The following STAT3 variants were observed in gnomAD, a reference collection of about 807,000 sequenced individuals.
STAT3 encodes DNA-binding protein APRF.
STAT3 carries 7 observed loss-of-function variants against 114.3 expected under a neutral mutation model. That is an observed-to-expected ratio of 0.06 (90% confidence interval 0.03 to 0.11). STAT3 has a LOEUF of 0.11. STAT3 is among the 10% of genes least tolerant of loss of function. STAT3 has a pLI of 1.00. For missense variants in STAT3, 364 were observed against 960.9 expected (o/e 0.38, Z 8.21); for synonymous variants, 331 against 354.5 (o/e 0.93, Z 0.74).
intron 14 of STAT3, among the ~76,000 whole-genome samples, chr17:42,327,080 A>G (rs551283960): frequency 8.5e-5 from 13 of 152,186 alleles, no homozygotes; most frequent in South Asian, 2.1e-4. Context: ...CATAGATCCA[A>G]TTGGTTATTT....
At chr17:42,382,138 T>C (rs919519477) in intron 1 of STAT3, among the ~76,000 whole-genome samples, 1 of 152,148 alleles carries the variant, frequency 6.6e-6, no homozygotes, top group Admixed American at 6.6e-5. Context: ...GAATTCCTAT[T>C]CATCCTATAA....
At chr17:42,360,382 C>T (rs1005030276) in intron 1 of STAT3, among the ~76,000 whole-genome samples, 23 of 151,808 alleles carry the variant, frequency 1.5e-4, no homozygotes, top group Non-Finnish European at 2.1e-4. Flanking sequence ...CAGTGGCTCA[C>T]GCCTGTAATC....
At chr17:42,383,103 C>T (rs1156572072) in intron 1 of STAT3, among the ~76,000 whole-genome samples, 1 of 152,152 alleles carries the variant, frequency 6.6e-6, no homozygotes, top group Admixed American at 6.6e-5. Context: ...GTCCCCCAGT[C>T]TGGAGTGCAG....
Position 42,337,706 on chromosome 17 carries a change from T to A in STAT3, c.645+57A>T. The A allele has an allele frequency of 6.2e-7, 1 of 1,613,496 alleles. No individual in the cohort carries two copies. The highest frequency in any genetic ancestry group is 8.5e-7 in the Non-Finnish European group (1 of 1,179,448). ...CCAAGCAAGTTCTGCCACAAGACGC[T>A]GAAATCCCGCAAGTGAGCGAGACAC... On this transcript the variant is annotated intron_variant, in intron 7 of 23. Transcript: ENST00000264657. This position sits in a 1 kb window ranked among gnomAD's most constrained non-coding sequence, Gnocchi z 4.0.
chr17:42,334,652 C>CCAGG (rs573326522), intron 8 of STAT3, among the ~76,000 whole-genome samples: 40 of 152,192 alleles, frequency 2.6e-4, no homozygotes, highest in African/African-American at 8.9e-4. Flanking sequence ...GCCTTGTTGG[C>CCAGG]CAGGCTGGTC....
chr17:42,324,955 G>A lies in STAT3; in HGVS notation c.1464+8C>T, dbSNP rs752809789. On this transcript the variant is annotated splice_region_variant and intron_variant, in intron 16 of 23. Coordinates refer to ENST00000264657, the MANE Select transcript of STAT3 (RefSeq NM_139276.3). This position sits in a 1 kb window ranked among gnomAD's most constrained non-coding sequence, Gnocchi z 4.5. Reference sequence around the variant, plus strand: ...CCGGGGCACCAACTAAAAGGAGGGGGCACTAACCTTGGGATTGTTGGTCAG... The same window carrying A: ...CCGGGGCACCAACTAAAAGGAGGGGACACTAACCTTGGGATTGTTGGTCAG... 2 of 1,614,160 alleles carry A rather than the reference G, an allele frequency of 1.2e-6. No homozygotes were observed. The highest frequency in any genetic ancestry group is 2.7e-5 in the African/African-American group (2 of 75,036).
chr17:42,344,986 C>A (rs2082629940), intron 4 of STAT3, among the ~76,000 whole-genome samples: 1 of 151,880 alleles, frequency 6.6e-6, no homozygotes, highest in Non-Finnish European at 1.5e-5. Context: ...TCAGAACAGG[C>A]CGGGCACAGT....
At chr17:42,340,783 ACT>A (rs1490057244) in intron 4 of STAT3, among the ~76,000 whole-genome samples, 2 of 152,068 alleles carry the variant, frequency 1.3e-5, no homozygotes, top group African/African-American at 2.4e-5. Flanking sequence ...GGAGAGAAAG[ACT>A]CTGTGTACAC....
At chr17:42,325,184 A>C in intron 15 of STAT3, 123 bp from the exon 16 acceptor site, 1 of 886,774 alleles carries the variant, frequency 1.1e-6, no homozygotes, top group African/African-American at 1.7e-5. Context: ...ACCTGCTGCC[A>C]ACTCTAGGCG....
At chr17:42,379,539 C>G (rs1443566681) in intron 1 of STAT3, among the ~76,000 whole-genome samples, 3 of 152,186 alleles carry the variant, frequency 2.0e-5, no homozygotes. Flanking sequence ...AGCTTCATAC[C>G]TGGCCACCGG....
At chr17:42,335,262 A>T (rs1249138540) in intron 8 of STAT3, among the ~76,000 whole-genome samples, 1 of 152,086 alleles carries the variant, frequency 6.6e-6, no homozygotes, top group African/African-American at 2.4e-5. Context: ...AGCTAGAACT[A>T]TAGGTGTGTG....
chr17:42,346,141 G>A (rs1366484509), intron 3 of STAT3, among the ~76,000 whole-genome samples: 2 of 152,048 alleles, frequency 1.3e-5, no homozygotes, highest in Non-Finnish European at 2.9e-5. Flanking sequence ...AACCTCCTAA[G>A]GTGTTGGGAT....
At chr17:42,361,481 CA>C (rs112008324) in intron 1 of STAT3, among the ~76,000 whole-genome samples, 9,597 of 123,398 alleles carry the variant, frequency 0.078, 326 homozygotes, top group Non-Finnish European at 0.092. Context: ...AAAACTCTGT[CA>C]AAAAAAAAAA....
At chr17:42,386,914 G>T (rs540944252) in intron 1 of STAT3, 1 of 152,204 alleles carries the variant, frequency 6.6e-6, no homozygotes, top group East Asian at 1.9e-4. Flanking sequence ...TCTGGAACAT[G>T]TAATAAGGAA....
chr17:42,323,243 C>T lies in STAT3; in HGVS notation c.1748+17G>A. 6.2e-7 allele frequency: 1 copy of T among 1,614,194 alleles called. No homozygotes were observed. Among genetic ancestry groups the T allele is most frequent in the South Asian group, 1.1e-5 (1 of 91,076 alleles). On this transcript the variant is annotated intron_variant, in intron 19 of 23. Coordinates refer to ENST00000264657, the MANE Select transcript of STAT3 (RefSeq NM_139276.3). ...CAGGGGACTTGGTTACATCTGTGCA[C>T]ACTCTGTCCAACCTACCCTTCGTTC... is the stretch of plus-strand genomic sequence containing the variant.
chr17:42,331,787 G>C (rs1346491137), intron 10 of STAT3, among the ~76,000 whole-genome samples: 1 of 152,050 alleles, frequency 6.6e-6, no homozygotes, highest in Non-Finnish European at 1.5e-5. Flanking sequence ...AATTAGCGGG[G>C]TGTGGTAGCA....
chr17:42,334,681 G>A (rs2144841932), intron 8 of STAT3, among the ~76,000 whole-genome samples: 1 of 152,236 alleles, frequency 6.6e-6, no homozygotes, highest in African/African-American at 2.4e-5. Context: ...CTGACCTCAG[G>A]TGATCCATCT....
At chr17:42,359,382 T>C (rs1307683096) in intron 1 of STAT3, among the ~76,000 whole-genome samples, 1 of 152,076 alleles carries the variant, frequency 6.6e-6, no homozygotes, top group Non-Finnish European at 1.5e-5. Flanking sequence ...TCTTATCATA[T>C]CGGGAGGGAA....
At chr17:42,343,557 C>A (rs1344014186) in intron 4 of STAT3, among the ~76,000 whole-genome samples, 1 of 149,298 alleles carries the variant, frequency 6.7e-6, no homozygotes, top group African/African-American at 2.5e-5. Flanking sequence ...CAGGTTCAAG[C>A]GATTCTCCTG....
Sources: allele counts gnomAD v4.1 joint callset (sites outside exome capture counted in the v4.1 genomes callset), GRCh38; gene constraint gnomAD v4.1.1; non-coding constraint Gnocchi (gnomAD v3.1); transcripts MANE v1.5; gene names NCBI Gene and HGNC (gene_info 2026-07-23, HGNC 2026-07-21).